The following COA1 variants were observed in gnomAD, a reference collection of about 807,000 sequenced individuals.
COA1 encodes the protein cytochrome c oxidase assembly factor 1.
Under a neutral mutation model 16.0 loss-of-function variants are expected in COA1, and 13 were observed. That is an observed-to-expected ratio of 0.81 (90% CI 0.53 to 1.29). The LOEUF (loss-of-function observed/expected upper bound fraction) is 1.29. COA1 is among the 50% of genes most tolerant of loss of function. The probability of loss-of-function intolerance (pLI) is 0.00; values close to 1 mark genes in which losing one functional copy is unlikely to be tolerated. For missense variants in COA1, 179 were observed against 177.0 expected, an observed-to-expected ratio of 1.01 and a Z score of -0.06; for synonymous variants, 65 against 65.7, an observed-to-expected ratio of 0.99 and a Z score of 0.05.
chr7:43,722,422 G>A (rs2095526323), intron 1 of COA1, among the ~76,000 whole-genome samples: 1 of 146,624 alleles, frequency 6.8e-6, no homozygotes, highest in East Asian at 2.1e-4. Context: ...ACGACAAAAC[G>A]AGAGTCTCGT....
chr7:43,634,200 ACT>A lies in COA1; in HGVS notation c.*133+5247_*133+5248del, dbSNP rs534397576. On this transcript the variant is annotated intron_variant and NMD_transcript_variant, in intron 6 of 6. Coordinates refer to the COA1 transcript ENST00000415076. ...GTTATCTTGGTGTTGGTGTCTGTTA[ACT>A]CTCTGTTCTCATTCAGGTTGACATT... 3.1e-3 allele frequency among the ~76,000 whole-genome samples: 465 copies of A among 150,696 alleles called. 6 individuals carry two copies. The highest frequency in any genetic ancestry group is 0.011 in the African/African-American group (434 of 41,058).
chr7:43,653,799 C>A (rs1472788945), intron 1 of COA1, among the ~76,000 whole-genome samples: 2 of 152,032 alleles, frequency 1.3e-5, no homozygotes, highest in African/African-American at 4.8e-5. Flanking sequence ...CCCATGAAGA[C>A]CAAGACTGCC....
chr7:43,648,366 T>G, intron 2 of COA1: 1 of 610,574 alleles, frequency 1.6e-6, no homozygotes, highest in South Asian at 1.9e-5. Flanking sequence ...GACTGGGTTA[T>G]GGAGAGGTTC....
chr7:43,676,146 T>C (rs889077830), intron 1 of COA1, among the ~76,000 whole-genome samples: 1 of 152,184 alleles, frequency 6.6e-6, no homozygotes, highest in Non-Finnish European at 1.5e-5. Flanking sequence ...AAAGTACGAT[T>C]AGTATCCACT....
chr7:43,616,962 A>C (rs1375019745), intron 6 of COA1, among the ~76,000 whole-genome samples: 1 of 152,182 alleles, frequency 6.6e-6, no homozygotes, highest in Non-Finnish European at 1.5e-5. Context: ...CATCTATGGA[A>C]ATTGTTGTAA....
chr7:43,664,563 G>C (rs1353917018), intron 1 of COA1, among the ~76,000 whole-genome samples: 1 of 152,146 alleles, frequency 6.6e-6, no homozygotes, highest in Non-Finnish European at 1.5e-5. Flanking sequence ...TCCACCCTTA[G>C]AAAAATCACT....
chr7:43,648,345 TG>T, intron 2 of COA1: 2 of 576,198 alleles, frequency 3.5e-6, no homozygotes, highest in Non-Finnish European at 6.2e-6. Flanking sequence ...CTCAACAGGG[TG>T]AGGCAGCCAG....
chr7:43,724,680 C>A (rs2095577817), intron 1 of COA1, among the ~76,000 whole-genome samples: 1 of 152,018 alleles, frequency 6.6e-6, no homozygotes, highest in Non-Finnish European at 1.5e-5. Flanking sequence ...AATGGATAAA[C>A]AAAATGTGTT....
chr7:43,713,900 A>G (rs572011399), intron 1 of COA1, among the ~76,000 whole-genome samples: 1 of 152,266 alleles, frequency 6.6e-6, no homozygotes, highest in East Asian at 1.9e-4. Context: ...TTAGCCAGGC[A>G]TGGTGGCGCA....
chr7:43,726,683 C>T (rs1401752205), intron 1 of COA1, among the ~76,000 whole-genome samples: 1 of 152,194 alleles, frequency 6.6e-6, no homozygotes, highest in Non-Finnish European at 1.5e-5. Context: ...ACTCTCTAAA[C>T]CACAGCCACA....
intron 1 of COA1, among the ~76,000 whole-genome samples, chr7:43,707,733 G>A (rs570183935): frequency 3.9e-5 from 6 of 152,194 alleles, no homozygotes; most frequent in East Asian, 1.9e-4. Context: ...AGTAGTCCAC[G>A]TTTGAAATGT....
chr7:43,692,278 A>C (rs1324638530), intron 1 of COA1, among the ~76,000 whole-genome samples: 2 of 152,140 alleles, frequency 1.3e-5, no homozygotes, highest in African/African-American at 4.8e-5. Context: ...CAACACTCTA[A>C]GAGGCCGAGG....
intron 1 of COA1, among the ~76,000 whole-genome samples, chr7:43,679,334 G>C (rs1255810571): frequency 6.8e-6 from 1 of 146,814 alleles, no homozygotes; most frequent in Non-Finnish European, 1.5e-5. Flanking sequence ...AGTACAAGGA[G>C]AATGAAAACT....
chr7:43,681,156 A>G (rs1394061520), intron 1 of COA1, among the ~76,000 whole-genome samples: 1 of 152,220 alleles, frequency 6.6e-6, no homozygotes, highest in Non-Finnish European at 1.5e-5. Flanking sequence ...AAAAATCTCA[A>G]ATAAATACTA....
At chr7:43,628,171 T>A (rs1388297735) in intron 6 of COA1, among the ~76,000 whole-genome samples, 1 of 152,022 alleles carries the variant, frequency 6.6e-6, no homozygotes, top group Non-Finnish European at 1.5e-5. Context: ...ATTTTTTTTT[T>A]AGTAGACATG....
intron 1 of COA1, among the ~76,000 whole-genome samples, chr7:43,672,773 C>CAAAAAAAAAA (rs34219718): frequency 9.9e-6 from 1 of 100,826 alleles, no homozygotes; most frequent in Admixed American, 1.1e-4. Flanking sequence ...CATCTCAAAC[C>CAAAAAAAAAA]AAAAAAAAAA....
intron 1 of COA1, among the ~76,000 whole-genome samples, chr7:43,663,433 CTTAA>C (rs983485334): frequency 2.0e-5 from 3 of 152,114 alleles, no homozygotes; most frequent in African/African-American, 4.8e-5. Context: ...ACCACTCTGC[CTTAA>C]TTATTTAGAT....
intron 4 of COA1, among the ~76,000 whole-genome samples, chr7:43,643,963 C>T (rs566925467): frequency 1.2e-4 from 18 of 152,282 alleles, no homozygotes; most frequent in African/African-American, 2.9e-4. Flanking sequence ...AAATACTTTA[C>T]GGGCTTCTGC....
At chr7:43,668,528 C>A (rs899800170) in intron 1 of COA1, among the ~76,000 whole-genome samples, 1 of 152,198 alleles carries the variant, frequency 6.6e-6, no homozygotes, top group Non-Finnish European at 1.5e-5. Context: ...AAATTGTGCT[C>A]CAAAGCTTAT....
Sources: allele counts gnomAD v4.1 joint callset (sites outside exome capture counted in the v4.1 genomes callset), GRCh38; gene constraint gnomAD v4.1.1; transcripts MANE v1.5; gene names NCBI Gene and HGNC (gene_info 2026-07-23, HGNC 2026-07-21).